Variants in PABPC1L observed in about 807,000 individuals in gnomAD.
The protein encoded by PABPC1L is polyadenylate-binding protein 1-like.
In PABPC1L, 31 loss-of-function variants were observed where a neutral mutation model predicts 66.6. The observed-to-expected ratio is 0.47, with a 90% confidence interval of 0.35 to 0.63. The LOEUF (loss-of-function observed/expected upper bound fraction) is 0.63. Ranked by LOEUF, PABPC1L falls within the 20% of genes least tolerant of loss-of-function variation. The probability of loss-of-function intolerance (pLI) is 0.00; values close to 1 mark genes in which losing one functional copy is unlikely to be tolerated. For synonymous variants in PABPC1L, 348 were observed against 335.1 expected, an observed-to-expected ratio of 1.04 and a Z score of -0.42; for missense variants, 722 against 848.8, an observed-to-expected ratio of 0.85 and a Z score of 1.86.
chr20:44,919,330 AAG>A, intron 5 of PABPC1L, 53 bp downstream of exon 5: 1 of 1,574,684 alleles, frequency 6.4e-7, no homozygotes, highest in Non-Finnish European at 8.7e-7. Context: ...AGCTGGGACT[AAG>A]AAGAGGGTCC....
At chr20:44,928,864 CAAAAAAAA>C (rs10597679) in intron 7 of PABPC1L, among the ~76,000 whole-genome samples, 3 of 54,358 alleles carry the variant, frequency 5.5e-5, no homozygotes, top group African/African-American at 1.7e-4. Context: ...GATCCTGACT[CAAAAAAAA>C]AAAAAAAAAA....
In PABPC1L at chr20:44,930,760, T is replaced by TC. The variant is rs767722489; in HGVS notation, c.1239+40dup. ...CTGCCCGCAACTCCCACCGCAGCCT[T>TC]CCCCCCTGCCCCAGCAAGGCAGAGC... On this transcript the variant is annotated intron_variant, in intron 8 of 14. Transcript: ENST00000217073. 6.3e-6 allele frequency: 10 copies of TC among 1,598,164 alleles called. No individual in the cohort carries two copies. The East Asian group carries it at 1.3e-4, about 21-fold the overall frequency.
chr20:44,931,504 A>T (rs2066859558), intron 8 of PABPC1L: 1 of 151,484 alleles, frequency 6.6e-6, no homozygotes, highest in African/African-American at 2.4e-5. Context: ...TTAAATTTTT[A>T]TTTTTTTGGA....
intron 2 of PABPC1L, among the ~76,000 whole-genome samples, chr20:44,914,343 A>G (rs531741796): frequency 5.5e-4 from 83 of 151,540 alleles, no homozygotes; most frequent in African/African-American, 2.0e-3. Context: ...AGTAGCTGGG[A>G]CTACAGGTGC....
rs2066753661 is a variant in PABPC1L at position 44,918,848 on chromosome 20, G to A, written c.504-58G>A. The A allele has an allele frequency of 2.0e-5, 30 of 1,523,644 alleles. No individual in the cohort carries two copies. The South Asian group carries it at 3.8e-4, about 19-fold the overall frequency. The allele number at this position is 1,523,644 out of a possible 1,614,324, so 94.4% of individuals were successfully genotyped here. A position where few individuals can be genotyped will look rare whatever the true frequency, so the allele number is the denominator to read the frequency against. On this transcript the variant is annotated intron_variant, in intron 3 of 14. Transcript: ENST00000217073. ...CAGCAGTTGAGCAGGAGTTGGCATGGGGGTGGCTGATGGCTGGTAGCTGTC... is the reference window on the plus strand; with the variant it reads ...CAGCAGTTGAGCAGGAGTTGGCATGAGGGTGGCTGATGGCTGGTAGCTGTC...
At chr20:44,916,995 C>A in intron 3 of PABPC1L, 124 bp downstream of exon 3, 1 of 856,684 alleles carries the variant, frequency 1.2e-6, no homozygotes, top group Non-Finnish European at 1.9e-6. Flanking sequence ...GCAGGCAGCC[C>A]TCCTAGAAGT....
intron 7 of PABPC1L, among the ~76,000 whole-genome samples, chr20:44,924,988 C>A (rs1185585644): frequency 1.4e-5 from 2 of 145,278 alleles, no homozygotes; most frequent in Non-Finnish European, 2.9e-5. Flanking sequence ...CTGAGGCAGG[C>A]AGATCATGAG....
chr20:44,910,284 C>T lies in PABPC1L; in HGVS notation c.141C>T (p.Ala47=), dbSNP rs1190071889. Residue 47 remains alanine, a synonymous_variant, in exon 1 of 15, where the codon GCC becomes GCT. Coordinates refer to ENST00000217073, the MANE Select transcript of PABPC1L (RefSeq NM_001372179.1). ...ILSIRVCRDV[A]TRRSLGYAYI... The stretch of plus-strand genomic sequence containing the variant: ...CCATCCGCGTGTGCCGCGATGTAGC[C>T]ACCCGGCGCTCGCTGGGCTACGCCT... The T allele has an allele frequency of 4.5e-6, 7 of 1,550,268 alleles. No individual in the cohort carries two copies. The highest frequency in any genetic ancestry group is 6.1e-6 in the Non-Finnish European group (7 of 1,146,294).
intron 1 of PABPC1L, among the ~76,000 whole-genome samples, chr20:44,911,158 A>T (rs1432778352): frequency 6.6e-6 from 1 of 151,560 alleles, no homozygotes; most frequent in Non-Finnish European, 1.5e-5. Context: ...AAATAAATAA[A>T]TAAATAAATA....
intron 7 of PABPC1L, among the ~76,000 whole-genome samples, chr20:44,928,881 A>AAG (rs2066829854): frequency 1.4e-5 from 2 of 147,884 alleles, no homozygotes; most frequent in African/African-American, 5.2e-5. Flanking sequence ...AAAAAAAAAA[A>AAG]AAAAGAAAAA....
intron 10 of PABPC1L, among the ~76,000 whole-genome samples, chr20:44,933,790 G>A (rs189150914): frequency 2.9e-5 from 4 of 140,330 alleles, no homozygotes; most frequent in African/African-American, 8.2e-5. Flanking sequence ...TTGCTCTGTC[G>A]CCCAGGCTGG....
rs569467865 is a variant in PABPC1L at position 44,938,691 on chromosome 20, C to T, written c.1809C>T (p.Ala603=). 28 of 1,610,566 alleles carry T rather than the reference C, an allele frequency of 1.7e-5. No individual in the cohort carries two copies. In the South Asian group the frequency reaches 2.1e-4, roughly 12 times the overall value. Residue 603 remains alanine (A), a synonymous_variant, in exon 14 of 15, where the codon GCC becomes GCT. Transcript: ENST00000217073. ...TCTCACAGATAGACGAGGCAGTGGC[C>T]GTGCTGCAGGCACACCAGGCTATGG... ...SLHAKIDEAV[A]VLQAHQAMEQ... is the part of the protein sequence containing the mutation.
At chr20:44,936,399 A>G (rs894236600) in intron 11 of PABPC1L, among the ~76,000 whole-genome samples, 3 of 152,202 alleles carry the variant, frequency 2.0e-5, no homozygotes, top group African/African-American at 7.2e-5. Context: ...ATCAACGTTC[A>G]TCAGGGACCT....
Position 44,921,271 on chromosome 20 carries a change from C to G in PABPC1L, c.739-323C>G, listed in dbSNP as rs113462193. ...TTCAACGATTCTCCTGCCTCAGCCT[C>G]CCGAGTAGCTGGGATTACAGGCATG... On this transcript the variant is annotated intron_variant, in intron 5 of 14. Coordinates refer to ENST00000217073, the MANE Select transcript of PABPC1L (RefSeq NM_001372179.1). 9.3e-3 allele frequency among the ~76,000 whole-genome samples: 1,418 copies of G among 152,046 alleles called. 26 individuals are homozygous for G. The highest frequency in any genetic ancestry group is 0.033 in the African/African-American group (1,358 of 41,442).
intron 6 of PABPC1L, among the ~76,000 whole-genome samples, chr20:44,923,919 AGGCTGG>A (rs1322455706): frequency 6.6e-6 from 1 of 152,134 alleles, no homozygotes; most frequent in East Asian, 1.9e-4. Context: ...AGCTGTGGTG[AGGCTGG>A]GACCAGTGCA....
intron 2 of PABPC1L, among the ~76,000 whole-genome samples, chr20:44,914,142 C>A (rs2066722738): frequency 6.6e-6 from 1 of 150,676 alleles, no homozygotes; most frequent in African/African-American, 2.4e-5. Context: ...TACCCCGTAG[C>A]CTTTGGAGTG....
intron 5 of PABPC1L, among the ~76,000 whole-genome samples, chr20:44,920,851 C>T (rs1012535920): frequency 6.6e-6 from 1 of 152,066 alleles, no homozygotes; most frequent in Non-Finnish European, 1.5e-5. Context: ...GTCTGTCTGT[C>T]GTCCAGGCTG....
At position 44,932,335 on chromosome 20, in the gene PABPC1L, C is replaced by T. The variant is rs751142125; in HGVS notation, c.1240-7C>T. ...CCCCTCAGTCTGGGTCTTCTTTTCC[C>T]ATGCAGCCTCCAGCCCAGGCTGCAT... On this transcript the variant is annotated splice_region_variant and splice_polypyrimidine_tract_variant and intron_variant, in intron 8 of 14. Coordinates refer to ENST00000217073, the MANE Select transcript of PABPC1L (RefSeq NM_001372179.1). 1 of 1,600,944 alleles carries T rather than the reference C, an allele frequency of 6.2e-7. No homozygotes were observed.
intron 1 of PABPC1L, among the ~76,000 whole-genome samples, chr20:44,911,968 G>A (rs1211785948): frequency 6.6e-6 from 1 of 152,292 alleles, no homozygotes; most frequent in South Asian, 2.1e-4. Flanking sequence ...AGCAGTGGCC[G>A]GAGGCTGGGC....
Sources: allele counts gnomAD v4.1 joint callset (sites outside exome capture counted in the v4.1 genomes callset), GRCh38; gene constraint gnomAD v4.1.1; transcripts MANE v1.5; gene names NCBI Gene and HGNC (gene_info 2026-07-23, HGNC 2026-07-21).